MAP4K3: variants seen among roughly 807,000 people sequenced by gnomAD.
The protein encoded by MAP4K3 is MAPK/ERK kinase kinase kinase 3.
A neutral mutation model predicts 143.5 loss-of-function variants in MAP4K3; 94 were observed. The ratio of observed to expected loss-of-function variants is 0.65; its 90% confidence interval spans 0.55 to 0.78. MAP4K3 has a LOEUF of 0.78. Among genes scored for constraint, MAP4K3 ranks in the 30% least tolerant of loss-of-function variants. MAP4K3 has a pLI of 0.00. For synonymous variants in MAP4K3, 416 were observed against 347.2 expected (o/e 1.20, Z -2.20); for missense variants, 1,077 against 1,068.1 (o/e 1.01, Z -0.12).
intron 28 of MAP4K3, among the ~76,000 whole-genome samples, chr2:39,262,321 G>T (rs1680603876): frequency 6.6e-6 from 1 of 152,174 alleles, no homozygotes. Flanking sequence ...CCCTGTGGCT[G>T]CTAAAGTGCC....
intron 32 of MAP4K3, among the ~76,000 whole-genome samples, chr2:39,253,290 C>G (rs187910890): frequency 1.1e-4 from 16 of 152,146 alleles, no homozygotes; most frequent in African/African-American, 3.9e-4. Context: ...CGCGCCACCA[C>G]GCCTGGCTAA....
At chr2:39,295,947 G>A (rs895889916) in intron 16 of MAP4K3, among the ~76,000 whole-genome samples, 8 of 151,996 alleles carry the variant, frequency 5.3e-5, no homozygotes, top group African/African-American at 1.7e-4. Flanking sequence ...TTGAACTCCC[G>A]GCCTCAAGTG....
intron 1 of MAP4K3, among the ~76,000 whole-genome samples, chr2:39,420,511 G>A (rs998881028): frequency 3.3e-5 from 5 of 151,914 alleles, no homozygotes; most frequent in South Asian, 2.1e-4. Flanking sequence ...TGAACTCCTG[G>A]GCTCAAGTGA....
intron 1 of MAP4K3, among the ~76,000 whole-genome samples, chr2:39,404,451 C>T (rs1380061119): frequency 6.6e-6 from 1 of 152,086 alleles, no homozygotes; most frequent in Non-Finnish European, 1.5e-5. Context: ...CAGTACTCCC[C>T]ATGGGCCTGT....
intron 18 of MAP4K3, 35 bp from the exon 19 acceptor site, chr2:39,290,369 A>T (rs1369052063): frequency 7.1e-7 from 1 of 1,401,470 alleles, no homozygotes; most frequent in Non-Finnish European, 9.9e-7. Flanking sequence ...AGAACTATTC[A>T]TTTTACAAAT....
chr2:39,325,453 C>A, intron 12 of MAP4K3, 65 bp downstream of exon 12: 2 of 1,094,926 alleles, frequency 1.8e-6, no homozygotes, highest in South Asian at 1.6e-5. Context: ...GACGTACATA[C>A]AGACACACAT....
intron 6 of MAP4K3, among the ~76,000 whole-genome samples, chr2:39,336,566 G>A (rs1456780269): frequency 7.0e-6 from 1 of 143,560 alleles, no homozygotes; most frequent in Admixed American, 7.1e-5. Flanking sequence ...TTAGACTTAA[G>A]ACTGCGAAAG....
chr2:39,417,215 CTTTT>C (rs1243263619), intron 1 of MAP4K3, among the ~76,000 whole-genome samples: 3 of 133,788 alleles, frequency 2.2e-5, no homozygotes, highest in African/African-American at 5.5e-5. Flanking sequence ...GGTTTCTTTT[CTTTT>C]TTTTTTTTTT....
At chr2:39,315,285 TA>T in intron 13 of MAP4K3, 24 bp downstream of exon 13, 1 of 1,432,506 alleles carries the variant, frequency 7.0e-7, no homozygotes, top group Non-Finnish European at 9.7e-7. Flanking sequence ...CATTAAATCA[TA>T]AACTGTGTAT....
chr2:39,279,664 T>C (rs1681429226), intron 23 of MAP4K3, among the ~76,000 whole-genome samples: 1 of 151,884 alleles, frequency 6.6e-6, no homozygotes, highest in African/African-American at 2.4e-5. Flanking sequence ...TTGAAAAAAA[T>C]GAAGCTACTG....
intron 1 of MAP4K3, among the ~76,000 whole-genome samples, chr2:39,424,814 G>A (rs1665013481): frequency 8.4e-6 from 1 of 119,460 alleles, no homozygotes; most frequent in Admixed American, 1.0e-4. Context: ...CTGGGTGACA[G>A]AGTTATAACC....
At chr2:39,381,548 G>A (rs993594738) in intron 1 of MAP4K3, among the ~76,000 whole-genome samples, 3 of 151,804 alleles carry the variant, frequency 2.0e-5, no homozygotes, top group Admixed American at 6.6e-5. Context: ...GAAACCATTT[G>A]CCTAACCCAA....
intron 32 of MAP4K3, 36 bp downstream of exon 32, chr2:39,254,412 AAT>A: frequency 6.7e-7 from 1 of 1,501,716 alleles, no homozygotes; most frequent in Non-Finnish European, 9.3e-7. Context: ...GGAATTTGAT[AAT>A]GTCTTGTGAC....
chr2:39,405,368 G>C (rs781407289), intron 1 of MAP4K3, among the ~76,000 whole-genome samples: 31 of 152,226 alleles, frequency 2.0e-4, no homozygotes, highest in Non-Finnish European at 4.4e-5. Flanking sequence ...TACTGGGATT[G>C]GGTTGTCCTT....
intron 3 of MAP4K3, among the ~76,000 whole-genome samples, chr2:39,346,033 C>T (rs890714628): frequency 6.6e-6 from 1 of 150,960 alleles, no homozygotes; most frequent in African/African-American, 2.4e-5. Flanking sequence ...AAGCATACAG[C>T]TGATATAAAA....
chr2:39,415,130 G>A (rs1462116657), intron 1 of MAP4K3, among the ~76,000 whole-genome samples: 1 of 152,148 alleles, frequency 6.6e-6, no homozygotes, highest in Non-Finnish European at 1.5e-5. Flanking sequence ...GCCTACACTT[G>A]TAAAAGTCCA....
intron 1 of MAP4K3, among the ~76,000 whole-genome samples, chr2:39,402,572 C>T (rs1053104939): frequency 6.6e-6 from 1 of 152,052 alleles, no homozygotes; most frequent in African/African-American, 2.4e-5. Context: ...GTGACTTCAG[C>T]TTCCTCCTTA....
intron 12 of MAP4K3, among the ~76,000 whole-genome samples, chr2:39,318,201 C>T (rs1683182812): frequency 6.6e-6 from 1 of 152,036 alleles, no homozygotes; most frequent in South Asian, 2.1e-4. Flanking sequence ...ACACTGAGTA[C>T]ACATGGATAC....
chr2:39,412,728 G>T (rs1385221317), intron 1 of MAP4K3, among the ~76,000 whole-genome samples: 1 of 152,032 alleles, frequency 6.6e-6, no homozygotes, highest in Non-Finnish European at 1.5e-5. Flanking sequence ...TATGTACTAA[G>T]ATTTAAATGC....
Sources: allele counts gnomAD v4.1 joint callset (sites outside exome capture counted in the v4.1 genomes callset), GRCh38; gene constraint gnomAD v4.1.1; transcripts MANE v1.5; gene names NCBI Gene and HGNC (gene_info 2026-07-23, HGNC 2026-07-21).